The following PTK2 variants were observed in gnomAD, a reference collection of about 807,000 sequenced individuals.
The protein encoded by PTK2 is focal adhesion kinase 1.
PTK2 carries 45 observed loss-of-function variants against 150.1 expected under a neutral mutation model. The ratio of observed to expected loss-of-function variants is 0.30; its 90% confidence interval spans 0.24 to 0.38. PTK2 has a LOEUF of 0.38. Ranked by LOEUF, PTK2 falls within the 10% of genes least tolerant of loss-of-function variation. PTK2 has a pLI of 1.00. For synonymous variants in PTK2, 432 were observed against 449.2 expected (o/e 0.96, Z 0.48); for missense variants, 919 against 1,307.3 (o/e 0.70, Z 4.58).
chr8:140,901,885 C>T (rs963856901), intron 2 of PTK2, among the ~76,000 whole-genome samples: 1 of 152,090 alleles, frequency 6.6e-6, no homozygotes, highest in Non-Finnish European at 1.5e-5. Context: ...TCAACTCCCA[C>T]TTATGAGTGA....
chr8:140,921,059 T>C (rs1394613126), intron 2 of PTK2: 1 of 1,319,338 alleles, frequency 7.6e-7, no homozygotes, highest in African/African-American at 1.5e-5. Flanking sequence ...ATTTGGAAGG[T>C]GTTCCTTCTG....
At chr8:140,887,215 T>C (rs957923349) in intron 3 of PTK2, among the ~76,000 whole-genome samples, 1 of 151,988 alleles carries the variant, frequency 6.6e-6, no homozygotes, top group Non-Finnish European at 1.5e-5. Flanking sequence ...AGATGGAGAG[T>C]GCTTGTGTGA....
intron 1 of PTK2, among the ~76,000 whole-genome samples, chr8:140,938,145 G>A (rs1481306397): frequency 6.6e-6 from 1 of 152,098 alleles, no homozygotes; most frequent in African/African-American, 2.4e-5. Flanking sequence ...GATGCAAATA[G>A]AAGGCGTCCA....
chr8:140,781,875 AC>A (rs2100081881), intron 14 of PTK2, among the ~76,000 whole-genome samples: 1 of 152,172 alleles, frequency 6.6e-6, no homozygotes, highest in African/African-American at 2.4e-5. Flanking sequence ...TACGAAGAAC[AC>A]CCCGATCTCA....
intron 8 of PTK2, among the ~76,000 whole-genome samples, chr8:140,827,614 C>T (rs1235120952): frequency 1.3e-5 from 2 of 152,172 alleles, no homozygotes; most frequent in African/African-American, 4.8e-5. Context: ...TTCAATTCTA[C>T]TATCTTCTAA....
At chr8:140,798,779 G>A (rs2100093202) in intron 12 of PTK2, among the ~76,000 whole-genome samples, 2 of 152,114 alleles carry the variant, frequency 1.3e-5, no homozygotes, top group African/African-American at 2.4e-5. Context: ...TTTATGTAAA[G>A]AAATTATCTG....
intron 5 of PTK2, among the ~76,000 whole-genome samples, chr8:140,861,834 T>A (rs1461661827): frequency 6.6e-6 from 1 of 152,234 alleles, no homozygotes; most frequent in Non-Finnish European, 1.5e-5. Flanking sequence ...TCATTAACAC[T>A]TAACTATACT....
At chr8:140,924,556 A>G (rs1465762676) in intron 2 of PTK2, among the ~76,000 whole-genome samples, 2 of 152,172 alleles carry the variant, frequency 1.3e-5, no homozygotes, top group East Asian at 1.9e-4. Context: ...TTTTCTTTTC[A>G]AGGCTATGGT....
intron 12 of PTK2, among the ~76,000 whole-genome samples, chr8:140,793,599 G>A (rs1325601857): frequency 2.0e-5 from 3 of 152,122 alleles, no homozygotes; most frequent in Non-Finnish European, 4.4e-5. Context: ...TGTTTAAAGG[G>A]TACTGCCTAA....
intron 1 of PTK2, among the ~76,000 whole-genome samples, chr8:140,999,393 T>C (rs904093389): frequency 6.6e-6 from 1 of 152,250 alleles, no homozygotes; most frequent in Admixed American, 6.5e-5. Flanking sequence ...ATTGATCTTG[T>C]TGTTTCTGCA....
At chr8:140,859,728 T>C (rs1254528043) in intron 5 of PTK2, among the ~76,000 whole-genome samples, 4 of 152,140 alleles carry the variant, frequency 2.6e-5, no homozygotes, top group African/African-American at 9.7e-5. Context: ...ATGAGGACAA[T>C]TACTGATTTA....
At chr8:140,886,513 G>T (rs2100152367) in intron 3 of PTK2, among the ~76,000 whole-genome samples, 1 of 152,156 alleles carries the variant, frequency 6.6e-6, no homozygotes, top group Admixed American at 6.6e-5. Context: ...AGACTACGGG[G>T]ACATTAAGAG....
chr8:140,868,308 T>C (rs754243317), intron 4 of PTK2, among the ~76,000 whole-genome samples: 4 of 152,082 alleles, frequency 2.6e-5, no homozygotes, highest in Non-Finnish European at 4.4e-5. Context: ...ATAAAAAAAA[T>C]GTGGTGTGAA....
chr8:140,886,450 G>A (rs1006840942), intron 3 of PTK2, among the ~76,000 whole-genome samples: 3 of 152,160 alleles, frequency 2.0e-5, no homozygotes, highest in Non-Finnish European at 4.4e-5. Flanking sequence ...ACAGGATGGC[G>A]ACAGGTGGAG....
chr8:140,987,748 A>C (rs1036495465), intron 1 of PTK2, among the ~76,000 whole-genome samples: 4 of 152,222 alleles, frequency 2.6e-5, no homozygotes, highest in Admixed American at 1.3e-4. Flanking sequence ...TTGGCACTTT[A>C]AGAATTTCAA....
intron 2 of PTK2, among the ~76,000 whole-genome samples, chr8:140,902,941 T>C (rs200156032): frequency 2.0e-5 from 2 of 100,836 alleles, no homozygotes; most frequent in Admixed American, 2.0e-4. Flanking sequence ...TTTTTTTTTT[T>C]TTTTTTTTTT....
intron 10 of PTK2, among the ~76,000 whole-genome samples, chr8:140,810,913 A>AC (rs1767151989): frequency 6.6e-6 from 1 of 152,188 alleles, no homozygotes; most frequent in African/African-American, 2.4e-5. Flanking sequence ...ACCCTGTGCT[A>AC]CCACCACCAC....
chr8:140,668,533 G>A (rs562959796), intron 29 of PTK2, 109 bp from the exon 34 acceptor site: 46 of 1,278,546 alleles, frequency 3.6e-5, no homozygotes, highest in Non-Finnish European at 4.9e-5. Flanking sequence ...ATTGCAGAAG[G>A]TCATTGATTT....
chr8:140,994,460 T>C (rs1377702112), intron 1 of PTK2, among the ~76,000 whole-genome samples: 1 of 152,242 alleles, frequency 6.6e-6, no homozygotes, highest in Non-Finnish European at 1.5e-5. Flanking sequence ...ATTCTCACAA[T>C]ATTTCAAACT....
Sources: allele counts gnomAD v4.1 joint callset (sites outside exome capture counted in the v4.1 genomes callset), GRCh38; gene constraint gnomAD v4.1.1; transcripts MANE v1.5; gene names NCBI Gene and HGNC (gene_info 2026-07-23, HGNC 2026-07-21).